The following GSK3B variants were observed in gnomAD, a reference collection of about 807,000 sequenced individuals.
GSK3B encodes glycogen synthase kinase-3 beta.
Under a neutral mutation model 56.4 loss-of-function variants are expected in GSK3B, and 15 were observed. The observed-to-expected ratio is 0.27, with a 90% CI of 0.18 to 0.41. The LOEUF (loss-of-function observed/expected upper bound fraction) is 0.41, where lower values mean the gene tolerates loss of function less well. Among genes scored for constraint, GSK3B ranks in the 10% least tolerant of loss-of-function variants. The pLI is 1.00. For synonymous variants in GSK3B, 181 were observed against 188.9 expected (o/e 0.96, Z 0.34); for missense variants, 300 against 513.4 (o/e 0.58, Z 4.02).
chr3:120,066,952 G>A (rs2058285957), intron 1 of GSK3B, among the ~76,000 whole-genome samples: 1 of 152,084 alleles, frequency 6.6e-6, no homozygotes, highest in Non-Finnish European at 1.5e-5. Flanking sequence ...GGCGACACTG[G>A]AAGAAGTATT....
At chr3:119,937,235 G>A in intron 3 of GSK3B, among the ~76,000 whole-genome samples, 1 of 152,022 alleles carries the variant, frequency 6.6e-6, no homozygotes, top group East Asian at 1.9e-4. Context: ...TGTTGGAGAT[G>A]GGGTCTAATG....
At chr3:119,929,296 G>T (rs2056920290) in intron 3 of GSK3B, among the ~76,000 whole-genome samples, 1 of 152,126 alleles carries the variant, frequency 6.6e-6, no homozygotes, top group Non-Finnish European at 1.5e-5. Flanking sequence ...TATTAGAAAG[G>T]TCATTAACAC....
At chr3:119,829,585 T>C (rs2055567431) in intron 10 of GSK3B, among the ~76,000 whole-genome samples, 1 of 152,238 alleles carries the variant, frequency 6.6e-6, no homozygotes, top group Non-Finnish European at 1.5e-5. Context: ...CACCAGCCCA[T>C]TTATGTTAAT....
At chr3:119,841,822 C>T (rs1317681227) in intron 10 of GSK3B, among the ~76,000 whole-genome samples, 1 of 152,180 alleles carries the variant, frequency 6.6e-6, no homozygotes, top group Non-Finnish European at 1.5e-5. Context: ...TCTTTCCAGA[C>T]TTTTCCTGAA....
intron 1 of GSK3B, among the ~76,000 whole-genome samples, chr3:120,069,484 T>C (rs1224174156): frequency 1.3e-5 from 2 of 152,198 alleles, no homozygotes; most frequent in African/African-American, 2.4e-5. Context: ...ACCATTTAAG[T>C]TAATTCTACT....
At chr3:120,078,811 C>T (rs2058388345) in intron 1 of GSK3B, among the ~76,000 whole-genome samples, 1 of 150,994 alleles carries the variant, frequency 6.6e-6, no homozygotes, top group African/African-American at 2.4e-5. Flanking sequence ...CTCAGCCTCC[C>T]TCTGGGAGGG....
At chr3:120,048,947 A>G (rs1387625881) in intron 1 of GSK3B, among the ~76,000 whole-genome samples, 2 of 152,222 alleles carry the variant, frequency 1.3e-5, no homozygotes, top group African/African-American at 4.8e-5. Context: ...ATGAAAGTCA[A>G]TCAAATTCCC....
intron 1 of GSK3B, among the ~76,000 whole-genome samples, chr3:120,048,327 CAG>C (rs2058120198): frequency 6.6e-6 from 1 of 152,236 alleles, no homozygotes; most frequent in Admixed American, 6.5e-5. Flanking sequence ...TCCAAAACTC[CAG>C]AGTTTCTCTT....
At chr3:120,004,113 G>A (rs113465663) in intron 1 of GSK3B, among the ~76,000 whole-genome samples, 1,729 of 152,336 alleles carry the variant, frequency 0.011, 19 homozygotes, top group Non-Finnish European at 0.016. Context: ...CTGACTCGGC[G>A]GGTCCCACGC....
chr3:119,959,722 G>A (rs1265995652), intron 2 of GSK3B, among the ~76,000 whole-genome samples: 1 of 151,634 alleles, frequency 6.6e-6, no homozygotes, highest in Non-Finnish European at 1.5e-5. Flanking sequence ...TCACCATGTT[G>A]GCCAGGCTGG....
intron 2 of GSK3B, among the ~76,000 whole-genome samples, chr3:120,000,530 T>C (rs1403252201): frequency 1.3e-5 from 2 of 152,200 alleles, no homozygotes; most frequent in Non-Finnish European, 2.9e-5. Context: ...CACTTCTTCT[T>C]GTTATATCCC....
rs181245566 is a variant in GSK3B, at chr3:119,941,568, C to A, written c.366+5700G>T. On this transcript the variant is annotated intron_variant, in intron 3 of 10. Coordinates refer to ENST00000264235, the MANE Select transcript of GSK3B (RefSeq NM_001146156.2). ...TATAAAATAGTGCTTCTATAAAACT[C>A]ATTCTTTAATTGGTTGCTATGAGGT... 2.4e-4 allele frequency among the ~76,000 whole-genome samples: 36 copies of A among 152,222 alleles called. 1 individual carries two copies. The highest frequency in any genetic ancestry group is 2.1e-3 in the Admixed American group (32 of 15,292).
rs2055451394 is a variant in GSK3B at position 119,823,703 on chromosome 3, A to G, written c.*3085T>C. 2.7e-5 allele frequency: 5 copies of G among 185,248 alleles called. No homozygotes were observed. The East Asian group carries it at 4.4e-4, about 16-fold the overall frequency. 11.5% of individuals were successfully genotyped at this position (185,248 alleles called of 1,614,324 possible). ...GAAACCGGTCTCACTGCTACCGAGG[A>G]GGAAAGACATTCAGAACCAAAACAA... On this transcript the variant is annotated 3_prime_UTR_variant, in exon 11 of 11. Coordinates refer to ENST00000264235, the MANE Select transcript of GSK3B (RefSeq NM_001146156.2).
intron 3 of GSK3B, among the ~76,000 whole-genome samples, chr3:119,941,784 C>G (rs575776747): frequency 6.6e-6 from 1 of 152,256 alleles, no homozygotes; most frequent in East Asian, 1.9e-4. Context: ...TTACAAAACC[C>G]CTACTGTGCA....
intron 3 of GSK3B, 41 bp from the exon 4 acceptor site, chr3:119,923,524 T>C: frequency 1.1e-6 from 1 of 904,380 alleles, no homozygotes; most frequent in Non-Finnish European, 1.7e-6. Flanking sequence ...CAAAACAGAT[T>C]AGAAACTGGT....
chr3:120,026,600 CTG>C (rs1270427553), intron 1 of GSK3B, among the ~76,000 whole-genome samples: 1 of 150,946 alleles, frequency 6.6e-6, no homozygotes, highest in East Asian at 2.0e-4. Flanking sequence ...GAGTCTCACT[CTG>C]TTGCCCAGGC....
In GSK3B at chr3:119,821,916, G is replaced by A. The variant is rs1298481501; in HGVS notation, c.*4872C>T. 1 of 178,022 alleles carries A rather than the reference G, an allele frequency of 5.6e-6. No homozygotes were observed. Among genetic ancestry groups the A allele is most frequent in the Non-Finnish European group, 1.2e-5 (1 of 82,922 alleles). 11.0% of individuals were successfully genotyped at this position (178,022 alleles called of 1,614,324 possible). ...GGCAAAATAGTAGGGTGAAGGAAGA[G>A]GGTTGGGTACTGAAATAAAGACCAC... On this transcript the variant is annotated 3_prime_UTR_variant, in exon 11 of 11. Transcript: ENST00000264235.
At chr3:119,995,551 G>A (rs113316027) in intron 2 of GSK3B, among the ~76,000 whole-genome samples, 5 of 150,576 alleles carry the variant, frequency 3.3e-5, no homozygotes, top group African/African-American at 1.2e-4. Context: ...TGCAACCTCC[G>A]CTTCCCGGGT....
intron 10 of GSK3B, among the ~76,000 whole-genome samples, chr3:119,837,967 TATA>T (rs1437604317): frequency 6.8e-6 from 1 of 146,170 alleles, no homozygotes; most frequent in Admixed American, 6.8e-5. Flanking sequence ...TATATATATA[TATA>T]TTTCAGTCGA....
Sources: allele counts gnomAD v4.1 joint callset (sites outside exome capture counted in the v4.1 genomes callset), GRCh38; gene constraint gnomAD v4.1.1; transcripts MANE v1.5; gene names NCBI Gene and HGNC (gene_info 2026-07-23, HGNC 2026-07-21).